ZNF814: variants seen among roughly 807,000 people sequenced by gnomAD.
ZNF814 encodes zinc finger protein 814.
ZNF814 carries 5 observed loss-of-function variants against 7.5 expected under a neutral mutation model. That is an observed-to-expected ratio of 0.67 (90% CI 0.35 to 1.40). The LOEUF (loss-of-function observed/expected upper bound fraction) is 1.40, where lower values mean the gene tolerates loss of function less well. Ranked by LOEUF, ZNF814 falls within the 40% of genes most tolerant of loss-of-function variation. The probability of loss-of-function intolerance (pLI) is 0.04; values close to 1 mark genes in which losing one functional copy is unlikely to be tolerated. For synonymous variants in ZNF814, 315 were observed against 340.7 expected, an observed-to-expected ratio of 0.92 and a Z score of 0.83; for missense variants, 962 against 1,018.0, an observed-to-expected ratio of 0.94 and a Z score of 0.75.
intron 1 of ZNF814, among the ~76,000 whole-genome samples, chr19:57,877,392 G>A (rs1418999094): frequency 2.6e-5 from 4 of 152,102 alleles, no homozygotes; most frequent in Non-Finnish European, 5.9e-5. Flanking sequence ...CCAGGTGACT[G>A]CCACACACCA....
the ZNF814 span, among the ~76,000 whole-genome samples, chr19:57,895,624 G>C: frequency 1.2e-4 from 19 of 152,124 alleles, no homozygotes; most frequent in Middle Eastern, 3.4e-3. Context: ...TCTGTCTTAG[G>C]AGAGACTCTA....
At position 57,873,337 on chromosome 19, in the gene ZNF814, C is replaced by A; in HGVS notation, c.2053G>T (p.Glu685Ter). ...CATTCCCTACATACATAAGGTCTTT[C>A]TCCAGTATGGCCATGCTGGTGTAGA... is the stretch of plus-strand genomic sequence containing the variant. ...LILHQHGHTG[E>*]RPYVCRECGK... is the part of the protein sequence containing the mutation. Residue 685 changes from glutamate (E) to a stop codon, truncating the protein, a stop_gained, in exon 3 of 3, where the codon GAA becomes TAA. Coordinates refer to ENST00000435989, the MANE Select transcript of ZNF814 (RefSeq NM_001144989.2). LOFTEE classifies it low-confidence loss of function (END_TRUNC). 1 of 1,593,314 alleles carries A rather than the reference C, an allele frequency of 6.3e-7. No homozygotes were observed. The highest frequency in any genetic ancestry group is 8.6e-7 in the Non-Finnish European group (1 of 1,169,498).
intron 2 of ZNF814, among the ~76,000 whole-genome samples, chr19:57,875,943 CTTTT>C (rs567660556): frequency 4.1e-4 from 29 of 71,402 alleles, no homozygotes; most frequent in African/African-American, 1.4e-3. Context: ...CAGGGTGCCG[CTTTT>C]TTTTTTTTTT....
At chr19:57,876,583 A>G (rs2071609111) in intron 2 of ZNF814, 5 of 415,542 alleles carry the variant, frequency 1.2e-5, no homozygotes, top group African/African-American at 2.0e-5. Context: ...ACAGGAAGGC[A>G]TAAGAAAATA....
chr19:57,875,190 G>A lies in ZNF814; in HGVS notation c.200C>T (p.Ser67Phe), dbSNP rs1263362761. The A allele has an allele frequency of 6.5e-7, 1 of 1,530,504 alleles. No homozygotes were observed. Among genetic ancestry groups the A allele is most frequent in the Non-Finnish European group, 8.8e-7 (1 of 1,140,010 alleles). The allele number at this position is 1,530,504 out of a possible 1,614,324, so 94.8% of individuals were successfully genotyped here. The change falls in exon 3 of 3, where the codon TCT becomes TTT. Residue 67 changes from serine to phenylalanine, a missense_variant. By Grantham distance (155) the Ser-to-Phe change is radical. Around this residue, in one of 7 missense-constraint regions of ZNF814, gnomAD observed 65 missense variants for 131.3 expected, o/e 0.50. Transcript: ENST00000435989. The part of the protein sequence containing the change: ...WCGVEDEAAP[S>F]KQSIYIQRET... The stretch of plus-strand genomic sequence containing the variant: ...TCTTTGTATATAAATACTCTGCTTA[G>A]AAGGTGCCGCCTCATCTTCCACTCC...
rs746802659 is a variant in ZNF814, at chr19:57,873,855, C to A, written c.1535G>T (p.Arg512Leu). Residue 512 changes from arginine to leucine, a missense_variant, in exon 3 of 3, where the codon CGA becomes CTA. Around this residue, in one of 7 missense-constraint regions of ZNF814, gnomAD observed 665 missense variants for 551.4 expected, o/e 1.21. Transcript: ENST00000435989. ...ATAAGGTCTTGCTCCAGTGTGAACT[C>A]GCTGGTGTAGAACGAGGTTGCCCTT... is the stretch of plus-strand genomic sequence containing the variant. ...SQKGNLVLHQ[R>L]VHTGARPYEC... 10 of 1,613,994 alleles carry A rather than the reference C, an allele frequency of 6.2e-6. 2 individuals carry two copies. In the South Asian group the frequency reaches 1.1e-4, roughly 18 times the overall value.
chr19:57,874,184 G>C lies in ZNF814; in HGVS notation c.1206C>G (p.His402Gln). ...YASFSNHQRV[H>Q]TDKKHYECGE... ...CACATTCATAATGTTTTTTGTCAGTGTGAACTCTCTGATGATTACTGAAGC... is the reference window on the plus strand; with the variant it reads ...CACATTCATAATGTTTTTTGTCAGTCTGAACTCTCTGATGATTACTGAAGC... The change falls in exon 3 of 3, where the codon CAC (histidine) becomes CAG (glutamine). Residue 402 changes from histidine to glutamine, a missense_variant. Around this residue, in one of 7 missense-constraint regions of ZNF814, gnomAD observed 665 missense variants for 551.4 expected, o/e 1.21. Transcript: ENST00000435989. 1 of 1,582,708 alleles carries C rather than the reference G, an allele frequency of 6.3e-7. No homozygotes were observed. The highest frequency in any genetic ancestry group is 1.1e-5 in the South Asian group (1 of 87,580).
chr19:57,904,454 G>A, the ZNF814 span, among the ~76,000 whole-genome samples: 1 of 152,074 alleles, frequency 6.6e-6, no homozygotes, highest in Non-Finnish European at 1.5e-5. Flanking sequence ...TGTTGGGTCT[G>A]ATCACCCCAA....
In ZNF814 at chr19:57,871,011, A is replaced by G. The variant is rs991997973; in HGVS notation, c.*1811T>C. On this transcript the variant is annotated 3_prime_UTR_variant, in exon 3 of 3. Transcript: ENST00000435989. ...AAAGAAAAAAAAAGAAAAAAAAGAC[A>G]TGAGTTGCAGTTACATTATTCTGTC... 1.3e-5 allele frequency: 2 copies of G among 152,188 alleles called. No homozygotes were observed. Among genetic ancestry groups the G allele is most frequent in the African/African-American group, 4.8e-5 (2 of 41,456 alleles). The allele number at this position is 152,188 out of a possible 1,614,324, so 9.4% of individuals were successfully genotyped here. A position where few individuals can be genotyped will look rare whatever the true frequency, so the allele number is the denominator to read the frequency against.
chr19:57,876,749 G>C (rs2071609886), intron 2 of ZNF814, 167 bp downstream of exon 2: 1 of 1,132,798 alleles, frequency 8.8e-7, no homozygotes, highest in Non-Finnish European at 1.2e-6. Flanking sequence ...CTCCAAGAAA[G>C]GAGTAGGGCA....
Position 57,873,687 on chromosome 19 carries a change from C to T in ZNF814, c.1703G>A (p.Arg568Gln), listed in dbSNP as rs778732400. ...SHKGTLILHQ[R>Q]VHPRERSYGC... is the part of the protein sequence containing the mutation. ...ATAAGATCTTTCTCTAGGGTGAACTCGCTGATGTAGAATGAGGGTGCCTTT... is the reference window on the plus strand; with the variant it reads ...ATAAGATCTTTCTCTAGGGTGAACTTGCTGATGTAGAATGAGGGTGCCTTT... Residue 568 changes from arginine (R) to glutamine (Q), a missense_variant, in exon 3 of 3, where the codon CGA (arginine) becomes CAA (glutamine). By Grantham distance (43) the Arg-to-Gln change is conservative. Coordinates refer to ENST00000435989, the MANE Select transcript of ZNF814 (RefSeq NM_001144989.2). The T allele has an allele frequency of 1.7e-5, 28 of 1,613,730 alleles. No individual in the cohort carries two copies. The South Asian group carries it at 2.0e-4, about 11-fold the overall frequency.
intron 2 of ZNF814, 193 bp downstream of exon 2, chr19:57,876,723 G>T: frequency 3.5e-6 from 3 of 848,326 alleles, no homozygotes; most frequent in Non-Finnish European, 3.4e-6. Context: ...CTGCAGTAAA[G>T]CAGGTGTTGG....
At chr19:57,899,061 C>A in the ZNF814 span, among the ~76,000 whole-genome samples, 1 of 152,034 alleles carries the variant, frequency 6.6e-6, no homozygotes, top group Admixed American at 6.6e-5. Flanking sequence ...CCCTCTCCAA[C>A]AATGATTCCA....
upstream of ZNF814, among the ~76,000 whole-genome samples, chr19:57,892,042 G>A (rs1210830278): frequency 1.3e-5 from 2 of 152,186 alleles, no homozygotes; most frequent in African/African-American, 2.4e-5. Flanking sequence ...GTGAGCCACT[G>A]CACCCGGCCC....
chr19:57,894,013 G>A (rs927198052), upstream of ZNF814, among the ~76,000 whole-genome samples: 3 of 151,996 alleles, frequency 2.0e-5, no homozygotes, highest in Non-Finnish European at 2.9e-5. Context: ...AACCCAGGAG[G>A]TGGAGGTTAC....
upstream of ZNF814, among the ~76,000 whole-genome samples, chr19:57,890,342 TTG>T (rs2071727996): frequency 6.6e-6 from 1 of 152,006 alleles, no homozygotes; most frequent in African/African-American, 2.4e-5. Context: ...GGGTTTTTTG[TTG>T]TTGTTGTTGT....
At chr19:57,902,742 G>T in the ZNF814 span, among the ~76,000 whole-genome samples, 1 of 151,326 alleles carries the variant, frequency 6.6e-6, no homozygotes, top group African/African-American at 2.4e-5. Context: ...CCCACTGCAC[G>T]CTCTGCCTCC....
At chr19:57,890,965 G>A (rs2071731425), upstream of ZNF814, among the ~76,000 whole-genome samples, 1 of 152,074 alleles carries the variant, frequency 6.6e-6, no homozygotes. Context: ...CCCAGACAGT[G>A]AAGACATTCT....
At chr19:57,877,148 C>T in intron 1 of ZNF814, 106 bp from the exon 2 acceptor site, 13 of 1,514,508 alleles carry the variant, frequency 8.6e-6, no homozygotes, top group Non-Finnish European at 1.2e-5. Flanking sequence ...TCAAGGTCCT[C>T]AAACATAGGA....
Sources: gnomAD v4.1 joint callset for allele counts (sites outside exome capture counted in the v4.1 genomes callset) on GRCh38, gnomAD v4.1.1 for gene constraint, gnomAD v4.1.1 regional missense constraint, MANE v1.5 for transcripts, NCBI Gene and HGNC (gene_info 2026-07-23, HGNC 2026-07-21) for gene names.